The following FGF13 variants were observed in gnomAD, a reference collection of about 807,000 sequenced individuals.
FGF13 encodes fibroblast growth factor 13, also known as fibroblast growth factor homologous factor 2.
In FGF13, 2 loss-of-function variants were observed where a neutral mutation model predicts 19.5. That is an observed-to-expected ratio of 0.10 (90% CI 0.04 to 0.32). FGF13 has a LOEUF of 0.32. FGF13 is among the 10% of genes least tolerant of loss of function. The probability of loss-of-function intolerance (pLI) is 1.00; values close to 1 mark genes in which losing one functional copy is unlikely to be tolerated. For synonymous variants in FGF13, 72 were observed against 76.9 expected, an observed-to-expected ratio of 0.94 and a Z score of 0.33; for missense variants, 113 against 192.7, an observed-to-expected ratio of 0.59 and a Z score of 2.45.
At chrX:138,932,430 T>C (rs1183759896) in intron 1 of FGF13, among the ~76,000 whole-genome samples, 3 of 107,070 alleles carry the variant, frequency 2.8e-5, no homozygotes, top group Non-Finnish European at 5.8e-5. Context: ...AATACAAAAA[T>C]TAGCCGGGCC....
chrX:139,171,490 T>C (rs1334597040), intron 1 of FGF13, among the ~76,000 whole-genome samples: 1 of 111,689 alleles, frequency 9.0e-6, no homozygotes, highest in Non-Finnish European at 1.9e-5. Flanking sequence ...TACTGTATGC[T>C]CTTAGGCTAT....
intron 2 of FGF13, among the ~76,000 whole-genome samples, chrX:138,707,827 T>C (rs1015330423): frequency 8.0e-5 from 9 of 112,163 alleles, no homozygotes; most frequent in African/African-American, 2.6e-4. Flanking sequence ...GGAAACTCTT[T>C]ACACTTATTG....
intron 1 of FGF13, among the ~76,000 whole-genome samples, chrX:139,090,756 C>A (rs2083434857): frequency 9.1e-6 from 1 of 109,351 alleles, no homozygotes; most frequent in African/African-American, 3.3e-5. Context: ...GTCTTGGCAA[C>A]ATGGCAAAAC....
chrX:139,139,940 T>C (rs7064376), intron 1 of FGF13, among the ~76,000 whole-genome samples: 13,092 of 110,944 alleles, frequency 0.12, 1,686 homozygotes, highest in African/African-American at 0.37. Flanking sequence ...TTTCCTTCTA[T>C]GTCTTTAAAT....
At position 138,916,292 on chromosome X, in the gene FGF13, C is replaced by T. The variant is rs146547961; in HGVS notation, c.-112-51642G>A. Among the ~76,000 whole-genome samples the T allele has an allele frequency of 7.6e-4, 85 of 111,748 alleles. No individual in the cohort carries two copies. In the East Asian group the frequency reaches 0.017, roughly 23 times the overall value. ...ACACTTTTCACAATACTTCTAAATA[C>T]GGACTCCTGTTATATTTCCACAATT... On this transcript the variant is annotated intron_variant, in intron 1 of 2. Coordinates refer to the FGF13 transcript ENST00000421460.
intron 3 of FGF13, among the ~76,000 whole-genome samples, chrX:138,845,889 G>T (rs753317238): frequency 4.5e-5 from 5 of 111,670 alleles, no homozygotes; most frequent in Admixed American, 3.8e-4. Context: ...AAAGTTACTT[G>T]CTGGCAGCTT....
rs777013470 is a variant in FGF13, at chrX:138,733,789, T to C, written c.28+5453A>G. ...CAGTCTAACCAGTAGGGTGGTTATT[T>C]AAGACTACTTTATTTAATGAAGAGG... On this transcript the variant is annotated intron_variant, in intron 1 of 4. Transcript: ENST00000305414. Among the ~76,000 whole-genome samples the C allele has an allele frequency of 1.6e-4, 18 of 110,877 alleles. No homozygotes were observed. The South Asian group carries it at 6.6e-3, about 40-fold the overall frequency.
At chrX:138,884,190 A>G (rs1187827234) in intron 1 of FGF13, among the ~76,000 whole-genome samples, 2 of 112,276 alleles carry the variant, frequency 1.8e-5, no homozygotes, top group African/African-American at 3.2e-5. Flanking sequence ...AGACAAAAGG[A>G]GTATATTATA....
chrX:138,795,708 C>T (rs1337703440), intron 3 of FGF13, among the ~76,000 whole-genome samples: 1 of 111,648 alleles, frequency 9.0e-6, no homozygotes, highest in Non-Finnish European at 1.9e-5. Flanking sequence ...TAATGAAGAA[C>T]TATGAAAAAT....
chrX:139,189,985 A>G (rs2084312110), intron 1 of FGF13, among the ~76,000 whole-genome samples: 1 of 112,322 alleles, frequency 8.9e-6, no homozygotes, highest in African/African-American at 3.2e-5. Context: ...GAGAAAATGC[A>G]ATACTTCAGT....
chrX:138,660,906 C>A (rs1226174498), intron 3 of FGF13, among the ~76,000 whole-genome samples: 1 of 111,509 alleles, frequency 9.0e-6, no homozygotes, highest in African/African-American at 3.3e-5. Flanking sequence ...ATAATACACA[C>A]CCACTATAGT....
At chrX:139,061,674 T>C (rs988096054) in intron 1 of FGF13, among the ~76,000 whole-genome samples, 1 of 111,656 alleles carries the variant, frequency 9.0e-6, no homozygotes, top group Non-Finnish European at 1.9e-5. Flanking sequence ...TGAACTAAGA[T>C]GCACAACCAA....
At chrX:138,852,400 G>C (rs1022970066) in intron 3 of FGF13, among the ~76,000 whole-genome samples, 1 of 110,990 alleles carries the variant, frequency 9.0e-6, no homozygotes, top group Non-Finnish European at 1.9e-5. Context: ...AAATAAGACC[G>C]CACACCTACA....
chrX:138,780,158 A>G, intron 3 of FGF13, among the ~76,000 whole-genome samples: 1 of 110,267 alleles, frequency 9.1e-6, no homozygotes, highest in East Asian at 2.8e-4. Context: ...AGAGCTCCTG[A>G]AGGAAGCACT....
chrX:138,836,633 T>G (rs2091114016), intron 3 of FGF13, among the ~76,000 whole-genome samples: 1 of 112,017 alleles, frequency 8.9e-6, no homozygotes, highest in Non-Finnish European at 1.9e-5. Context: ...GGTTACAATG[T>G]ACTCCTTTAG....
At chrX:138,864,801 T>C (rs1370422248) in intron 1 of FGF13, among the ~76,000 whole-genome samples, 1 of 112,592 alleles carries the variant, frequency 8.9e-6, no homozygotes, top group Admixed American at 9.4e-5. Context: ...ATGGTAAGAC[T>C]AGAGAGGAGT....
At chrX:138,980,350 T>A (rs2091958320) in intron 1 of FGF13, among the ~76,000 whole-genome samples, 1 of 111,765 alleles carries the variant, frequency 8.9e-6, no homozygotes. Flanking sequence ...GCAAATCTCC[T>A]TGAAACATGT....
chrX:138,803,599 C>T (rs181241695), intron 3 of FGF13, among the ~76,000 whole-genome samples: 189 of 112,267 alleles, frequency 1.7e-3, no homozygotes, highest in African/African-American at 5.9e-3. Context: ...GAGCATTACC[C>T]GCAGAATCTA....
chrX:138,984,394 G>A (rs1293649499), intron 1 of FGF13, among the ~76,000 whole-genome samples: 57 of 103,584 alleles, frequency 5.5e-4, no homozygotes, highest in African/African-American at 1.9e-3. Context: ...CAGCCTGGGC[G>A]GCAGAGTGAG....
Sources: gnomAD v4.1 joint callset for allele counts (sites outside exome capture counted in the v4.1 genomes callset) on GRCh38, gnomAD v4.1.1 for gene constraint, MANE v1.5 for transcripts, NCBI Gene and HGNC (gene_info 2026-07-23, HGNC 2026-07-21) for gene names.